The following RBMS3 variants were observed in gnomAD, a reference collection of about 807,000 sequenced individuals.
RBMS3 encodes RNA binding motif single stranded interacting protein 3, also known as RNA-binding motif, single-stranded-interacting protein 3.
Under a neutral mutation model 66.8 loss-of-function variants are expected in RBMS3, and 27 were observed. That is an observed-to-expected ratio of 0.40 (90% CI 0.30 to 0.56). The LOEUF is 0.56. Ranked by LOEUF, RBMS3 falls within the 20% of genes least tolerant of loss-of-function variation. RBMS3 has a pLI of 0.40. For synonymous variants in RBMS3, 188 were observed against 183.0 expected, an observed-to-expected ratio of 1.03 and a Z score of -0.22; for missense variants, 513 against 549.5, an observed-to-expected ratio of 0.93 and a Z score of 0.66.
At chr3:29,686,342 G>T (rs574489349) in intron 4 of RBMS3, among the ~76,000 whole-genome samples, 1 of 152,046 alleles carries the variant, frequency 6.6e-6, no homozygotes, top group South Asian at 2.1e-4. Context: ...GAAGGGCTTG[G>T]TGTATATTCA....
At position 29,434,843 on chromosome 3, in the gene RBMS3, G is replaced by A. The variant is rs1342728521; in HGVS notation, c.176G>A (p.Ser59Asn). 2 of 1,614,014 alleles carry A rather than the reference G, an allele frequency of 1.2e-6. No individual in the cohort carries two copies. Among genetic ancestry groups the A allele is most frequent in the Non-Finnish European group, 1.7e-6 (2 of 1,180,032 alleles). The stretch of plus-strand genomic sequence containing the variant: ...AACAACAGCAGCGGGGAACAGTTGA[G>A]TAAAACCAACCTGTACATTCGAGGC... ...SSNNSSGEQL[S>N]KTNLYIRGLP... Residue 59 changes from serine to asparagine, a missense_variant, in exon 2 of 15, where the codon AGT (serine) becomes AAT (asparagine). Transcript: ENST00000383767.
chr3:29,544,870 C>T (rs1477325660), intron 3 of RBMS3, among the ~76,000 whole-genome samples: 1 of 152,080 alleles, frequency 6.6e-6, no homozygotes, highest in African/African-American at 2.4e-5. Flanking sequence ...CTATATTTTG[C>T]CAACTCCTAA....
chr3:29,656,298 C>T (rs2050325511), intron 4 of RBMS3, among the ~76,000 whole-genome samples: 1 of 152,064 alleles, frequency 6.6e-6, no homozygotes, highest in African/African-American at 2.4e-5. Flanking sequence ...ATCTTTTATA[C>T]CATGTTTTCA....
At chr3:29,614,496 G>A (rs1031621787) in intron 4 of RBMS3, 3 of 152,038 alleles carry the variant, frequency 2.0e-5, no homozygotes, top group Non-Finnish European at 4.4e-5. Flanking sequence ...AAATATGTGA[G>A]GCAATGCATA....
At chr3:29,861,841 C>A (rs1210799984) in intron 6 of RBMS3, among the ~76,000 whole-genome samples, 3 of 152,178 alleles carry the variant, frequency 2.0e-5, no homozygotes, top group Non-Finnish European at 2.9e-5. Flanking sequence ...TACTGTGCAA[C>A]TTTATTGCCA....
chr3:29,929,189 C>T (rs890986344), intron 10 of RBMS3, among the ~76,000 whole-genome samples: 3 of 152,052 alleles, frequency 2.0e-5, no homozygotes, highest in South Asian at 2.1e-4. Flanking sequence ...TCCCTTTGAC[C>T]GTAGAGTCCT....
chr3:29,722,772 G>A (rs2053696607), intron 4 of RBMS3, among the ~76,000 whole-genome samples: 1 of 151,996 alleles, frequency 6.6e-6, no homozygotes, highest in Non-Finnish European at 1.5e-5. Flanking sequence ...TGAAAGGAAT[G>A]CCATATAGTG....
intron 6 of RBMS3, among the ~76,000 whole-genome samples, chr3:29,795,252 A>G (rs559220300): frequency 1.3e-5 from 2 of 152,214 alleles, no homozygotes; most frequent in Non-Finnish European, 2.9e-5. Context: ...ACAGATGTGT[A>G]TATATGCTCT....
intron 1 of RBMS3, among the ~76,000 whole-genome samples, chr3:29,410,248 A>C (rs2040205304): frequency 6.6e-6 from 1 of 152,240 alleles, no homozygotes; most frequent in Non-Finnish European, 1.5e-5. Context: ...TTAGAAGGAA[A>C]AAACAAAGTG....
At chr3:29,404,187 C>A (rs918011211) in intron 1 of RBMS3, among the ~76,000 whole-genome samples, 3 of 152,044 alleles carry the variant, frequency 2.0e-5, no homozygotes, top group East Asian at 3.9e-4. Flanking sequence ...GTTTTTAAGT[C>A]CTTATTCTCA....
At chr3:29,364,776 C>T (rs1575623203) in intron 1 of RBMS3, among the ~76,000 whole-genome samples, 1 of 152,172 alleles carries the variant, frequency 6.6e-6, no homozygotes, top group African/African-American at 2.4e-5. Flanking sequence ...TCTTTGTACA[C>T]AGGCTTTTTA....
At chr3:29,804,920 C>T (rs2057496881) in intron 6 of RBMS3, among the ~76,000 whole-genome samples, 2 of 146,328 alleles carry the variant, frequency 1.4e-5, no homozygotes, top group African/African-American at 2.5e-5. Flanking sequence ...TCTGCGTGTA[C>T]GTGTGTGTGT....
chr3:29,819,708 A>G (rs2149472619), intron 6 of RBMS3, among the ~76,000 whole-genome samples: 1 of 152,250 alleles, frequency 6.6e-6, no homozygotes, highest in Middle Eastern at 3.4e-3. Flanking sequence ...TATATGCAAA[A>G]GATTCTCTGT....
chr3:29,360,060 G>C (rs552885836), intron 1 of RBMS3, among the ~76,000 whole-genome samples: 144 of 152,168 alleles, frequency 9.5e-4, no homozygotes, highest in Non-Finnish European at 1.8e-3. Context: ...GTTCTGCTCT[G>C]ATCTTAGTTA....
At chr3:29,986,503 C>G (rs1439668929) in intron 12 of RBMS3, among the ~76,000 whole-genome samples, 1 of 152,170 alleles carries the variant, frequency 6.6e-6, no homozygotes, top group Non-Finnish European at 1.5e-5. Flanking sequence ...GCTTTACTCT[C>G]AGTATAGCTA....
At chr3:29,465,710 C>T (rs1305412387) in intron 2 of RBMS3, among the ~76,000 whole-genome samples, 1 of 152,066 alleles carries the variant, frequency 6.6e-6, no homozygotes, top group Non-Finnish European at 1.5e-5. Context: ...GAAATCACTG[C>T]TATTTAGATG....
At chr3:29,541,180 T>C (rs776213922) in intron 3 of RBMS3, among the ~76,000 whole-genome samples, 1 of 152,144 alleles carries the variant, frequency 6.6e-6, no homozygotes, top group East Asian at 1.9e-4. Context: ...TTAAATGCCA[T>C]CTACATGTGA....
intron 1 of RBMS3, among the ~76,000 whole-genome samples, chr3:29,414,967 G>A (rs188025794): frequency 1.3e-5 from 2 of 152,232 alleles, no homozygotes; most frequent in East Asian, 3.9e-4. Context: ...GATCAGCCTA[G>A]CATTGCTCTT....
intron 12 of RBMS3, among the ~76,000 whole-genome samples, chr3:29,957,834 G>T (rs1696145202): frequency 6.6e-6 from 1 of 152,086 alleles, no homozygotes; most frequent in South Asian, 2.1e-4. Flanking sequence ...AACATACACT[G>T]GTCCCAATGA....
Sources: allele counts gnomAD v4.1 joint callset (sites outside exome capture counted in the v4.1 genomes callset), GRCh38; gene constraint gnomAD v4.1.1; transcripts MANE v1.5; gene names NCBI Gene and HGNC (gene_info 2026-07-23, HGNC 2026-07-21).